The following BBS9 variants were observed in gnomAD, a reference collection of about 807,000 sequenced individuals.
BBS9 encodes Bardet-Biedl syndrome 9.
Under a neutral mutation model 117.7 loss-of-function variants are expected in BBS9, and 89 were observed. That is an observed-to-expected ratio of 0.76 (90% CI 0.64 to 0.90). BBS9 has a LOEUF of 0.90. Ranked by LOEUF, BBS9 falls within the 40% of genes least tolerant of loss-of-function variation. BBS9 has a pLI of 0.00. For missense variants in BBS9, 982 were observed against 1,042.2 expected, an observed-to-expected ratio of 0.94 and a Z score of 0.80; for synonymous variants, 379 against 370.9, an observed-to-expected ratio of 1.02 and a Z score of -0.25.
intron 19 of BBS9, among the ~76,000 whole-genome samples, chr7:33,431,612 T>G (rs1056897482): frequency 6.6e-6 from 1 of 152,194 alleles, no homozygotes; most frequent in African/African-American, 2.4e-5. Flanking sequence ...GTGCCATCTA[T>G]GGACTAGAAA....
At chr7:33,202,066 G>C (rs183025429) in intron 5 of BBS9, among the ~76,000 whole-genome samples, 1 of 152,098 alleles carries the variant, frequency 6.6e-6, no homozygotes, top group Admixed American at 6.6e-5. Context: ...CCCACATTTG[G>C]GTATGTGGTA....
rs201790503 is a variant in BBS9, at chr7:33,532,275, A to T, written c.2299-1679A>T. 3.9e-5 allele frequency among the ~76,000 whole-genome samples: 6 copies of T among 152,368 alleles called. No individual in the cohort carries two copies. The East Asian group carries it at 1.2e-3, about 29-fold the overall frequency. On this transcript the variant is annotated intron_variant, in intron 20 of 22. Coordinates refer to ENST00000242067, the MANE Select transcript of BBS9 (RefSeq NM_198428.3). ...GGAGAGACAGTGTGGGTGCAGGTGG[A>T]TGGGAACAGAATACAGTGGAGCAAG...
intron 19 of BBS9, among the ~76,000 whole-genome samples, chr7:33,493,953 A>C (rs887592041): frequency 2.0e-5 from 3 of 152,214 alleles, no homozygotes; most frequent in African/African-American, 7.2e-5. Flanking sequence ...ATCAAACTTC[A>C]TTAATCAAAA....
At chr7:33,410,603 C>A (rs1038347863) in intron 19 of BBS9, among the ~76,000 whole-genome samples, 2 of 152,184 alleles carry the variant, frequency 1.3e-5, no homozygotes, top group Non-Finnish European at 2.9e-5. Flanking sequence ...TTGTCTACAT[C>A]TATTCCCAAC....
At chr7:33,585,687 A>G (rs1190412443) in intron 21 of BBS9, among the ~76,000 whole-genome samples, 1 of 152,118 alleles carries the variant, frequency 6.6e-6, no homozygotes, top group Non-Finnish European at 1.5e-5. Context: ...TTCAATTATG[A>G]TTAACATATT....
intron 20 of BBS9, among the ~76,000 whole-genome samples, chr7:33,527,929 T>G (rs1485362474): frequency 1.3e-5 from 2 of 152,226 alleles, no homozygotes; most frequent in African/African-American, 2.4e-5. Context: ...CCAAGATATT[T>G]AATTTAGAAC....
chr7:33,629,009 G>C (rs1180533828), intron 21 of BBS9, among the ~76,000 whole-genome samples: 2 of 152,186 alleles, frequency 1.3e-5, no homozygotes, highest in Non-Finnish European at 2.9e-5. Flanking sequence ...GGGCTCCCTA[G>C]TTAACCTGGG....
chr7:33,438,126 A>G (rs897830270), intron 19 of BBS9, among the ~76,000 whole-genome samples: 3 of 152,182 alleles, frequency 2.0e-5, no homozygotes, highest in Non-Finnish European at 2.9e-5. Context: ...AACTAAACCA[A>G]TTGGCTATCT....
intron 15 of BBS9, among the ~76,000 whole-genome samples, chr7:33,355,337 C>A (rs1015069200): frequency 1.3e-5 from 2 of 151,782 alleles, no homozygotes; most frequent in Non-Finnish European, 2.9e-5. Context: ...CTCTGATGAA[C>A]CTCATGTCTA....
At position 33,316,307 on chromosome 7, in the gene BBS9, C is replaced by A. The variant is rs181915216; in HGVS notation, c.1017-20134C>A. On this transcript the variant is annotated intron_variant, in intron 9 of 22. Coordinates refer to ENST00000242067, the MANE Select transcript of BBS9 (RefSeq NM_198428.3). ...CATGTAACAGTGGCAATTTATTTTT[C>A]TATTGCTGAGTAGTGTTCCATTCAA... 3.2e-3 allele frequency among the ~76,000 whole-genome samples: 485 copies of A among 152,178 alleles called. 1 individual carries two copies. Among genetic ancestry groups the A allele is most frequent in the Middle Eastern group, 6.8e-3 (2 of 294 alleles).
At chr7:33,137,606 T>A (rs1223828228) in intron 1 of BBS9, among the ~76,000 whole-genome samples, 1 of 152,132 alleles carries the variant, frequency 6.6e-6, no homozygotes, top group Non-Finnish European at 1.5e-5. Context: ...TTTGTACTGA[T>A]GAGAGTTTGT....
chr7:33,614,545 C>T (rs185707501), intron 21 of BBS9, among the ~76,000 whole-genome samples: 1 of 152,092 alleles, frequency 6.6e-6, no homozygotes, highest in African/African-American at 2.4e-5. Flanking sequence ...AACCACTGCC[C>T]TGTGGTTTGG....
intron 3 of BBS9, among the ~76,000 whole-genome samples, chr7:33,155,276 G>A (rs1793936925): frequency 1.3e-5 from 2 of 152,184 alleles, no homozygotes; most frequent in South Asian, 2.1e-4. Flanking sequence ...TAGGCTCAGG[G>A]AGATTTTAGT....
intron 5 of BBS9, among the ~76,000 whole-genome samples, chr7:33,187,900 C>T (rs1030374859): frequency 5.3e-5 from 8 of 151,638 alleles, no homozygotes; most frequent in African/African-American, 1.5e-4. Flanking sequence ...CCAGCCTGGG[C>T]GACAGAGCGA....
chr7:33,209,523 T>C (rs185448775), intron 5 of BBS9, among the ~76,000 whole-genome samples: 4 of 152,344 alleles, frequency 2.6e-5, no homozygotes, highest in Admixed American at 2.0e-4. Context: ...ACTTCCTCAC[T>C]GTTCTTCACA....
intron 19 of BBS9, among the ~76,000 whole-genome samples, chr7:33,437,854 C>CTG (rs1452848789): frequency 6.6e-6 from 1 of 152,154 alleles, no homozygotes; most frequent in East Asian, 1.9e-4. Flanking sequence ...CCAGCCTGGG[C>CTG]AACAGAGTGA....
intron 21 of BBS9, among the ~76,000 whole-genome samples, chr7:33,632,498 C>G (rs1054744433): frequency 2.0e-5 from 3 of 152,254 alleles, no homozygotes; most frequent in Non-Finnish European, 4.4e-5. Context: ...CCTCGCCCCG[C>G]TCGCGGCTGC....
rs371229936 is a variant in BBS9, at chr7:33,574,684, AACACAC to A, written c.2522-30144_2522-30139del. Among the ~76,000 whole-genome samples the A allele has an allele frequency of 2.0e-3, 282 of 137,642 alleles. 2 individuals are homozygous for A. In the East Asian group the frequency reaches 0.029, roughly 14 times the overall value. The allele number at this position is 137,642 out of a possible 152,430, so 90.3% of individuals were successfully genotyped here. ...TTCAATTGTACTGGAAGTCATAGAA[AACACAC>A]ACACACACACACACACACACACACA... On this transcript the variant is annotated intron_variant, in intron 21 of 22. Coordinates refer to ENST00000242067, the MANE Select transcript of BBS9 (RefSeq NM_198428.3).
At chr7:33,486,881 A>G (rs1370045361) in intron 19 of BBS9, among the ~76,000 whole-genome samples, 1 of 152,246 alleles carries the variant, frequency 6.6e-6, no homozygotes, top group East Asian at 1.9e-4. Context: ...GCTGATACAC[A>G]GCAAATGAAA....
Sources: gnomAD v4.1 joint callset for allele counts (sites outside exome capture counted in the v4.1 genomes callset) on GRCh38, gnomAD v4.1.1 for gene constraint, MANE v1.5 for transcripts, NCBI Gene and HGNC (gene_info 2026-07-23, HGNC 2026-07-21) for gene names.